ADAM22: variants seen among roughly 807,000 people sequenced by gnomAD.
ADAM22 encodes the protein ADAM metallopeptidase domain 22.
A neutral mutation model predicts 144.6 loss-of-function variants in ADAM22; 65 were observed. The observed-to-expected ratio is 0.45, with a 90% CI of 0.37 to 0.55. ADAM22 has a LOEUF of 0.55. Ranked by LOEUF, ADAM22 falls within the 20% of genes least tolerant of loss-of-function variation. ADAM22 has a pLI of 0.00. For missense variants in ADAM22, 974 were observed against 1,184.9 expected (o/e 0.82, Z 2.61); for synonymous variants, 391 against 412.6 (o/e 0.95, Z 0.63).
chr7:88,086,944 T>C (rs866714191), intron 4 of ADAM22, among the ~76,000 whole-genome samples: 1 of 152,226 alleles, frequency 6.6e-6, no homozygotes, highest in South Asian at 2.1e-4. Context: ...ACTTTTATTG[T>C]ATGATGTGAT....
intron 8 of ADAM22, among the ~76,000 whole-genome samples, 199 bp downstream of exon 8, chr7:88,125,858 G>C (rs1208402882): frequency 1.3e-5 from 2 of 152,008 alleles, no homozygotes; most frequent in African/African-American, 4.8e-5. Flanking sequence ...AAGGATTCAA[G>C]ATAGTGGTGA....
chr7:87,961,809 A>G (rs1042238286), intron 2 of ADAM22, among the ~76,000 whole-genome samples: 7 of 152,196 alleles, frequency 4.6e-5, no homozygotes, highest in African/African-American at 1.4e-4. Flanking sequence ...ATTTAAAAGG[A>G]AAAGTAAGAT....
Position 88,151,750 on chromosome 7 carries a change from T to A in ADAM22, c.1681+430T>A, listed in dbSNP as rs140215467. ...AGCATTTTATCTAGAGTCATTTTTT[T>A]CCTCCTTGGATATTTTTCTTAAACT... On this transcript the variant is annotated intron_variant, in intron 20 of 31. Transcript: ENST00000413139. Among the ~76,000 whole-genome samples, 22 of 152,298 alleles carry A rather than the reference T, an allele frequency of 1.4e-4. No homozygotes were observed. In the South Asian group the frequency reaches 4.6e-3, roughly 32 times the overall value.
chr7:88,073,357 G>A (rs1813330218), intron 3 of ADAM22, among the ~76,000 whole-genome samples: 2 of 152,146 alleles, frequency 1.3e-5, no homozygotes, highest in Admixed American at 1.3e-4. Flanking sequence ...GGTCATGAGA[G>A]GAGCCAGTTA....
chr7:88,047,585 A>G (rs1805000348), intron 3 of ADAM22, among the ~76,000 whole-genome samples: 1 of 152,152 alleles, frequency 6.6e-6, no homozygotes, highest in African/African-American at 2.4e-5. Context: ...GCACACAGGC[A>G]TGTTTTGGAT....
intron 3 of ADAM22, among the ~76,000 whole-genome samples, chr7:88,069,215 CCTT>C (rs1179404839): frequency 1.3e-5 from 2 of 151,878 alleles, no homozygotes; most frequent in African/African-American, 4.8e-5. Context: ...CTATGTTTCT[CCTT>C]CTCTCCCTTT....
At chr7:88,061,782 C>T (rs963947491) in intron 3 of ADAM22, among the ~76,000 whole-genome samples, 1 of 151,466 alleles carries the variant, frequency 6.6e-6, no homozygotes, top group African/African-American at 2.4e-5. Context: ...TTAAAGTCAC[C>T]AGCTGCATTA....
At chr7:88,126,784 A>G (rs1251720707) in intron 8 of ADAM22, among the ~76,000 whole-genome samples, 1 of 151,990 alleles carries the variant, frequency 6.6e-6, no homozygotes, top group Middle Eastern at 3.2e-3. Context: ...TGGTGCTCAA[A>G]AAGTTTTTCA....
Position 87,935,047 on chromosome 7 carries a change from T to C in ADAM22, c.107T>C (p.Leu36Pro). 6.2e-7 allele frequency: 1 copy of C among 1,614,144 alleles called. No homozygotes were observed. The highest frequency in any genetic ancestry group is 1.1e-5 in the South Asian group (1 of 91,082). Residue 36 changes from leucine to proline, a missense_variant, in exon 2 of 32, where the codon CTA (leucine) becomes CCA (proline). Physicochemically the swap from Leu to Pro is moderately conservative, Grantham distance 98. Around this residue, in one of 2 missense-constraint regions of ADAM22, gnomAD observed 240 missense variants for 234.3 expected, o/e 1.02. Transcript: ENST00000413139. ...GGAGGAGACGCCTCATTGATGGAGC[T>C]AGAGAAGAGGAAGGAAAACCGCTTC... ...GQAGDASLME[L>P]EKRKENRFVE...
intron 22 of ADAM22, among the ~76,000 whole-genome samples, chr7:88,159,250 G>A (rs1003123645): frequency 1.2e-4 from 18 of 151,928 alleles, no homozygotes; most frequent in African/African-American, 3.4e-4. Flanking sequence ...CTCCAAAATT[G>A]AACCAGTAAT....
At chr7:87,978,519 G>T in intron 3 of ADAM22, 107 bp downstream of exon 3, 2 of 805,870 alleles carry the variant, frequency 2.5e-6, no homozygotes, top group South Asian at 1.8e-5. Context: ...TCCTATACCG[G>T]TTAAATACTA....
intron 4 of ADAM22, among the ~76,000 whole-genome samples, chr7:88,103,117 T>A (rs1823407191): frequency 6.6e-6 from 1 of 152,164 alleles, no homozygotes; most frequent in African/African-American, 2.4e-5. Context: ...AAGTCATTTA[T>A]GAGAAGGGAA....
chr7:88,087,746 G>C (rs982282811), intron 4 of ADAM22, among the ~76,000 whole-genome samples: 1 of 152,134 alleles, frequency 6.6e-6, no homozygotes, highest in Non-Finnish European at 1.5e-5. Flanking sequence ...GAATGTCTAT[G>C]TGTATTAGCT....
At position 88,163,100 on chromosome 7, in the gene ADAM22, C is replaced by T; in HGVS notation, c.1996C>T (p.His666Tyr). 2 of 1,612,494 alleles carry T rather than the reference C, an allele frequency of 1.2e-6. No individual in the cohort carries two copies. The highest frequency in any genetic ancestry group is 2.2e-5 in the South Asian group (2 of 90,918). The change falls in exon 23 of 32, where the codon CAC (histidine) becomes TAC (tyrosine). Residue 666 changes from histidine (H) to tyrosine (Y), a missense_variant. Physicochemically the swap from His to Tyr is moderately conservative, Grantham distance 83. This residue lies in a region of ADAM22 where 734 missense variants were observed against 950.6 expected (regional missense o/e 0.77). Transcript: ENST00000413139. ...TGGTCCCCAAATGATGTGCTTAGAACACAGGTGTCTTCCTGTGGCTTCTTT... is the reference window on the plus strand; with the variant it reads ...TGGTCCCCAAATGATGTGCTTAGAATACAGGTGTCTTCCTGTGGCTTCTTT... ...PCGPQMMCLE[H>Y]RCLPVASFNF...
chr7:88,097,466 G>A (rs554583632), intron 4 of ADAM22, among the ~76,000 whole-genome samples: 1 of 151,622 alleles, frequency 6.6e-6, no homozygotes, highest in Non-Finnish European at 1.5e-5. Context: ...ATCTTTTAGC[G>A]GCCAGAAATT....
intron 4 of ADAM22, among the ~76,000 whole-genome samples, chr7:88,080,181 G>C (rs1816084663): frequency 6.6e-6 from 1 of 152,136 alleles, no homozygotes; most frequent in Non-Finnish European, 1.5e-5. Context: ...CAGAACTCAG[G>C]ATTAAGAAAC....
At chr7:87,956,930 C>T (rs1052978344) in intron 2 of ADAM22, among the ~76,000 whole-genome samples, 1 of 152,126 alleles carries the variant, frequency 6.6e-6, no homozygotes, top group East Asian at 1.9e-4. Context: ...ATGAAAGTAT[C>T]GTAAAAATTA....
chr7:87,941,032 G>T (rs1005125227), intron 2 of ADAM22, among the ~76,000 whole-genome samples: 1 of 152,010 alleles, frequency 6.6e-6, no homozygotes, highest in Non-Finnish European at 1.5e-5. Flanking sequence ...ATGTTATTTT[G>T]TGGTTTATTT....
chr7:88,011,317 G>A (rs936054148), intron 3 of ADAM22, among the ~76,000 whole-genome samples: 5 of 152,060 alleles, frequency 3.3e-5, no homozygotes, highest in African/African-American at 1.2e-4. Context: ...CGAGGCGGGC[G>A]GATCACAAGG....
Sources: gnomAD v4.1 joint callset for allele counts (sites outside exome capture counted in the v4.1 genomes callset) on GRCh38, gnomAD v4.1.1 for gene constraint, gnomAD v4.1.1 regional missense constraint, MANE v1.5 for transcripts, NCBI Gene and HGNC (gene_info 2026-07-23, HGNC 2026-07-21) for gene names.